The following CRB1 variants were observed in gnomAD, a reference collection of about 807,000 sequenced individuals.
The protein encoded by CRB1 is crumbs cell polarity complex component 1.
CRB1 carries 83 observed loss-of-function variants against 120.0 expected under a neutral mutation model. That is an observed-to-expected ratio of 0.69 (90% CI 0.58 to 0.83). The LOEUF (loss-of-function observed/expected upper bound fraction) is 0.83. Ranked by LOEUF, CRB1 falls within the 40% of genes least tolerant of loss-of-function variation. CRB1 has a pLI of 0.00. For missense variants in CRB1, 1,699 were observed against 1,687.6 expected, an observed-to-expected ratio of 1.01 and a Z score of -0.12; for synonymous variants, 625 against 612.5, an observed-to-expected ratio of 1.02 and a Z score of -0.30.
chr1:197,341,110 A>G (rs1158723007), intron 2 of CRB1, among the ~76,000 whole-genome samples: 1 of 152,144 alleles, frequency 6.6e-6, no homozygotes, highest in Non-Finnish European at 1.5e-5. Flanking sequence ...ATTACCTCCC[A>G]CAGGGTCCAT....
At chr1:197,247,565 C>T in the CRB1 span, among the ~76,000 whole-genome samples, 2 of 152,066 alleles carry the variant, frequency 1.3e-5, no homozygotes, top group South Asian at 4.1e-4. Flanking sequence ...GTACAGAATA[C>T]TAATCACAAG....
chr1:197,363,675 C>A, intron 5 of CRB1: 1 of 323,992 alleles, frequency 3.1e-6, no homozygotes, highest in South Asian at 5.0e-5. Context: ...ACAAAGAGAA[C>A]TTTCCCAACT....
chr1:197,377,197 C>T (rs150265392), intron 5 of CRB1, among the ~76,000 whole-genome samples: 243 of 152,186 alleles, frequency 1.6e-3, no homozygotes, highest in African/African-American at 5.7e-3. Context: ...TGATCTTACG[C>T]ACACACACAG....
chr1:197,288,972 T>TAA lies in CRB1; in HGVS notation c.70+20504_70+20505dup, dbSNP rs5779860. Among the ~76,000 whole-genome samples the TAA allele has an allele frequency of 7.3e-3, 1,032 of 141,692 alleles. 10 individuals are homozygous for TAA. Among genetic ancestry groups the TAA allele is most frequent in the African/African-American group, 0.023 (890 of 38,032 alleles). The allele number at this position is 141,692 out of a possible 152,430, so 93.0% of individuals were successfully genotyped here. ...GGATGAAAACTATGAATACATAGGT[T>TAA]AAAAAAAAAAAAAAACTTGAATTTC... On this transcript the variant is annotated intron_variant, in intron 1 of 11. Transcript: ENST00000367400.
rs1294058061 is a variant in CRB1 at position 197,473,128 on chromosome 1, C to T, written c.4006-4536C>T. On this transcript the variant is annotated intron_variant, in intron 11 of 11. Coordinates refer to ENST00000367400, the MANE Select transcript of CRB1 (RefSeq NM_201253.3). ...CTGCATCTCAGGCCTTGAATTTGCT[C>T]TTTCATTCTTATGACATTTCTGAGA... 2.0e-5 allele frequency among the ~76,000 whole-genome samples: 3 copies of T among 152,272 alleles called. No individual in the cohort carries two copies. The East Asian group carries it at 5.8e-4, about 29-fold the overall frequency.
intron 5 of CRB1, among the ~76,000 whole-genome samples, chr1:197,365,566 T>C (rs549830646): frequency 6.6e-6 from 1 of 151,858 alleles, no homozygotes; most frequent in East Asian, 1.9e-4. Flanking sequence ...CTTTTTTCTT[T>C]TCTTTTCTTT....
Position 197,344,283 on chromosome 1 carries a change from G to A in CRB1, c.655G>A (p.Val219Ile). The change falls in exon 3 of 12, where the codon GTA becomes ATA. Residue 219 changes from valine (V) to isoleucine (I), a missense_variant and splice_region_variant. Val to Ile is a conservative substitution (Grantham distance 29). Coordinates refer to ENST00000367400, the MANE Select transcript of CRB1 (RefSeq NM_201253.3). ...TTCTGTGCTGACTTTTTTAAAAGGT[G>A]TAAACTGTGAATTGGAAATTGACGA... is the stretch of plus-strand genomic sequence containing the variant. ...TCICPHNYSGVNCELEIDECW... is the reference protein window; with the variant it reads ...TCICPHNYSGINCELEIDECW... 2 of 1,614,158 alleles carry A rather than the reference G, an allele frequency of 1.2e-6. No homozygotes were observed. The highest frequency in any genetic ancestry group is 2.2e-5 in the South Asian group (2 of 91,082).
intron 11 of CRB1, among the ~76,000 whole-genome samples, chr1:197,453,876 A>C (rs1426059618): frequency 2.1e-5 from 3 of 141,460 alleles, no homozygotes; most frequent in African/African-American, 7.8e-5. Flanking sequence ...TATTATTAAT[A>C]ATATATATTA....
At chr1:197,281,277 A>C (rs140943269) in intron 1 of CRB1, among the ~76,000 whole-genome samples, 2 of 151,998 alleles carry the variant, frequency 1.3e-5, no homozygotes, top group East Asian at 3.9e-4. Context: ...CAGTGTCTGC[A>C]TAATTAAAGG....
At chr1:197,400,304 C>CTTTTT (rs200472313) in intron 5 of CRB1, among the ~76,000 whole-genome samples, 2 of 127,064 alleles carry the variant, frequency 1.6e-5, no homozygotes, top group African/African-American at 5.9e-5. Flanking sequence ...AATGTAAGAG[C>CTTTTT]TTTTTTTTTT....
intron 1 of CRB1, among the ~76,000 whole-genome samples, chr1:197,281,105 A>G (rs1449130773): frequency 1.3e-5 from 2 of 151,806 alleles, no homozygotes; most frequent in Non-Finnish European, 2.9e-5. Context: ...AGAGACACTA[A>G]TCCATAAGTT....
the CRB1 span, among the ~76,000 whole-genome samples, chr1:197,232,041 A>G: frequency 6.6e-6 from 1 of 152,182 alleles, no homozygotes; most frequent in African/African-American, 2.4e-5. Flanking sequence ...GGGGCTCCTT[A>G]TAAGAGAAAG....
intron 7 of CRB1, 148 bp downstream of exon 7, chr1:197,428,149 A>G (rs1664695392): frequency 9.2e-6 from 7 of 760,894 alleles, no homozygotes; most frequent in Non-Finnish European, 1.5e-5. Flanking sequence ...TATTGTTCCA[A>G]CAAGACTGTG....
At chr1:197,477,597 C>A in intron 11 of CRB1, 67 bp from the exon 12 acceptor site, 4 of 1,463,602 alleles carry the variant, frequency 2.7e-6, no homozygotes, top group Non-Finnish European at 3.8e-6. Flanking sequence ...CTGAGTAGTT[C>A]CATTGTCCTG....
the CRB1 span, among the ~76,000 whole-genome samples, chr1:197,262,879 A>G: frequency 1.6e-4 from 25 of 152,220 alleles, no homozygotes; most frequent in African/African-American, 5.5e-4. Flanking sequence ...TTATGGCTAC[A>G]AAGTATTCCA....
chr1:197,369,267 C>A (rs1276468572), intron 5 of CRB1, among the ~76,000 whole-genome samples: 1 of 152,066 alleles, frequency 6.6e-6, no homozygotes, highest in Non-Finnish European at 1.5e-5. Flanking sequence ...TAGCTCTTTT[C>A]CCAATGTCTA....
At chr1:197,220,070 A>T in the CRB1 span, among the ~76,000 whole-genome samples, 1 of 152,114 alleles carries the variant, frequency 6.6e-6, no homozygotes, top group African/African-American at 2.4e-5. Flanking sequence ...TCTGATTAGT[A>T]CATTTCCTCC....
At chr1:197,274,684 A>G (rs1013481349) in intron 1 of CRB1, among the ~76,000 whole-genome samples, 1 of 152,174 alleles carries the variant, frequency 6.6e-6, no homozygotes, top group Non-Finnish European at 1.5e-5. Flanking sequence ...ATCATACAAT[A>G]TGTAGCCTTT....
Position 197,421,577 on chromosome 1 carries a change from C to G in CRB1, c.1749C>G (p.Ile583Met). 6.2e-7 allele frequency: 1 copy of G among 1,614,204 alleles called. No individual in the cohort carries two copies. The highest frequency in any genetic ancestry group is 8.5e-7 in the Non-Finnish European group (1 of 1,180,034). ...IFAEAVTLTL[I>M]DDSCKEKCIA... ...CAGAGGCTGTGACCCTTACCTTAAT[C>G]GACGACTCCTGTAAGGAGAAATGCA... The change falls in exon 6 of 12, where the codon ATC becomes ATG. Residue 583 changes from isoleucine to methionine, a missense_variant. Ile to Met is a conservative substitution (Grantham distance 10, BLOSUM62 1). Transcript: ENST00000367400.
Sources: gnomAD v4.1 joint callset for allele counts (sites outside exome capture counted in the v4.1 genomes callset) on GRCh38, gnomAD v4.1.1 for gene constraint, MANE v1.5 for transcripts, NCBI Gene and HGNC (gene_info 2026-07-23, HGNC 2026-07-21) for gene names.